DCC: variants seen among roughly 807,000 people sequenced by gnomAD.
DCC encodes netrin receptor DCC.
DCC carries 58 observed loss-of-function variants against 172.5 expected under a neutral mutation model. That is an observed-to-expected ratio of 0.34 (90% CI 0.27 to 0.42). DCC has a LOEUF of 0.42. DCC is among the 10% of genes least tolerant of loss of function. The pLI is 1.00. For synonymous variants in DCC, 709 were observed against 644.5 expected (o/e 1.10, Z -1.52); for missense variants, 1,740 against 1,791.0 (o/e 0.97, Z 0.51).
intron 2 of DCC, among the ~76,000 whole-genome samples, chr18:52,780,452 G>A (rs1407627617): frequency 6.6e-6 from 1 of 152,158 alleles, no homozygotes; most frequent in Admixed American, 6.5e-5. Context: ...GGTCATGGCT[G>A]TGACTTCTAT....
At chr18:52,811,932 T>A (rs2038208569) in intron 2 of DCC, among the ~76,000 whole-genome samples, 1 of 152,210 alleles carries the variant, frequency 6.6e-6, no homozygotes, top group African/African-American at 2.4e-5. Context: ...AAATCTCAAC[T>A]ATGTTTTGTA....
intron 14 of DCC, among the ~76,000 whole-genome samples, chr18:53,327,902 A>G (rs990425780): frequency 2.0e-5 from 3 of 152,172 alleles, no homozygotes; most frequent in African/African-American, 4.8e-5. Flanking sequence ...ATGATATGCT[A>G]TGATTTATGA....
chr18:52,970,669 G>T (rs545809223), intron 5 of DCC, among the ~76,000 whole-genome samples: 2 of 152,158 alleles, frequency 1.3e-5, no homozygotes, highest in Non-Finnish European at 2.9e-5. Context: ...TGAATGAAAA[G>T]AAATTATAAA....
chr18:52,795,514 T>C (rs1226728427), intron 2 of DCC, among the ~76,000 whole-genome samples: 2 of 151,984 alleles, frequency 1.3e-5, no homozygotes, highest in Non-Finnish European at 2.9e-5. Context: ...TTGGTTAATC[T>C]AGCTAGCAGT....
At chr18:52,773,521 T>TC (rs1448112327) in intron 2 of DCC, among the ~76,000 whole-genome samples, 1,054 of 58,310 alleles carry the variant, frequency 0.018, 23 homozygotes, top group African/African-American at 0.033. Flanking sequence ...TATCTATCTA[T>TC]TTATCTATCT....
chr18:52,604,449 T>A (rs1007956610), intron 1 of DCC, among the ~76,000 whole-genome samples: 1 of 152,144 alleles, frequency 6.6e-6, no homozygotes, highest in Non-Finnish European at 1.5e-5. Context: ...AGGAATGCAG[T>A]TGCTGTAATT....
intron 27 of DCC, among the ~76,000 whole-genome samples, chr18:53,503,323 C>CTGAG (rs920931361): frequency 6.6e-6 from 1 of 152,146 alleles, no homozygotes; most frequent in African/African-American, 2.4e-5. Flanking sequence ...CTTCCACCTG[C>CTGAG]TGAGTTAAAA....
chr18:52,879,206 T>A (rs889198317), intron 2 of DCC, among the ~76,000 whole-genome samples: 3 of 152,138 alleles, frequency 2.0e-5, no homozygotes, highest in African/African-American at 4.8e-5. Flanking sequence ...TGCTTCTTTT[T>A]CCTTTCCTCT....
chr18:52,871,688 C>A lies in DCC; in HGVS notation c.413-34356C>A, dbSNP rs1284487223. Among the ~76,000 whole-genome samples the A allele has an allele frequency of 2.6e-5, 4 of 152,112 alleles. No individual in the cohort carries two copies. The East Asian group carries it at 7.7e-4, about 29-fold the overall frequency. On this transcript the variant is annotated intron_variant, in intron 2 of 28. Coordinates refer to ENST00000442544, the MANE Select transcript of DCC (RefSeq NM_005215.4). ...CAGGCTGGTTTTAAACTCCTGGGCT[C>A]AAGCAGTCATCCTACCTTGACCTCC...
At position 52,612,419 on chromosome 18, in the gene DCC, A is replaced by G. The variant is rs539457160; in HGVS notation, c.92-139635A>G. Among the ~76,000 whole-genome samples, 14 of 151,054 alleles carry G rather than the reference A, an allele frequency of 9.3e-5. No individual in the cohort carries two copies. The South Asian group carries it at 1.9e-3, about 20-fold the overall frequency. On this transcript the variant is annotated intron_variant, in intron 1 of 28. Coordinates refer to ENST00000442544, the MANE Select transcript of DCC (RefSeq NM_005215.4). ...CCTACTCTTGCCTTCTACAAAATTC[A>G]TTGCTCCCACTATAGTCAGAGTGGC...
chr18:53,094,211 T>C (rs2043052362), intron 7 of DCC, among the ~76,000 whole-genome samples: 1 of 152,212 alleles, frequency 6.6e-6, no homozygotes, highest in African/African-American at 2.4e-5. Flanking sequence ...GAAAACAGAT[T>C]GGTTTTGTAA....
At chr18:53,339,353 T>G (rs1211155019) in intron 14 of DCC, among the ~76,000 whole-genome samples, 1 of 152,198 alleles carries the variant, frequency 6.6e-6, no homozygotes, top group Non-Finnish European at 1.5e-5. Context: ...ATTGACATTT[T>G]ATTTTCCAGT....
At position 53,190,529 on chromosome 18, in the gene DCC, G is replaced by A. The variant is rs2055351377; in HGVS notation, c.1573+11413G>A. 2.7e-5 allele frequency among the ~76,000 whole-genome samples: 4 copies of A among 150,486 alleles called. 1 individual carries two copies. In the South Asian group the frequency reaches 8.4e-4, roughly 32 times the overall value. Reference sequence around the variant, plus strand: ...ACACAAACTAAGATTAGCCATGATCGTTTCAGGAAAAATGATCAAACATTA... The same window carrying A: ...ACACAAACTAAGATTAGCCATGATCATTTCAGGAAAAATGATCAAACATTA... On this transcript the variant is annotated intron_variant, in intron 9 of 28. Transcript: ENST00000442544.
At chr18:52,442,426 C>A (rs1183392159) in intron 1 of DCC, among the ~76,000 whole-genome samples, 1 of 152,160 alleles carries the variant, frequency 6.6e-6, no homozygotes. Flanking sequence ...ATAATTATAA[C>A]AATAAGATTT....
chr18:53,348,234 G>C (rs989874227), intron 15 of DCC, among the ~76,000 whole-genome samples: 1 of 152,172 alleles, frequency 6.6e-6, no homozygotes, highest in African/African-American at 2.4e-5. Flanking sequence ...CATTCCAAAT[G>C]GGAGAAATTG....
intron 15 of DCC, among the ~76,000 whole-genome samples, chr18:53,350,160 G>A (rs916750798): frequency 2.6e-5 from 4 of 152,084 alleles, no homozygotes; most frequent in Admixed American, 2.0e-4. Flanking sequence ...ATATTCCTGT[G>A]AGGATTTATG....
At chr18:52,344,042 T>C (rs1983774787) in intron 1 of DCC, among the ~76,000 whole-genome samples, 1 of 152,256 alleles carries the variant, frequency 6.6e-6, no homozygotes, top group South Asian at 2.1e-4. Flanking sequence ...GTGAATATAT[T>C]AGGCTTAGTG....
At chr18:52,410,910 T>C (rs1179015678) in intron 1 of DCC, among the ~76,000 whole-genome samples, 6 of 152,146 alleles carry the variant, frequency 3.9e-5, no homozygotes, top group East Asian at 1.9e-4. Flanking sequence ...TAGACAACTT[T>C]TAGAAAAATC....
intron 5 of DCC, among the ~76,000 whole-genome samples, chr18:52,952,609 G>C (rs1024480608): frequency 6.6e-6 from 1 of 152,120 alleles, no homozygotes. Context: ...TGTCTGTATA[G>C]CTTTGGCTTT....
Sources: gnomAD v4.1 joint callset for allele counts (sites outside exome capture counted in the v4.1 genomes callset) on GRCh38, gnomAD v4.1.1 for gene constraint, MANE v1.5 for transcripts, NCBI Gene and HGNC (gene_info 2026-07-23, HGNC 2026-07-21) for gene names.